The following RSF1 variants were observed in gnomAD, a reference collection of about 807,000 sequenced individuals.
RSF1 encodes the protein HBV pX-associated protein 8.
Under a neutral mutation model 145.2 loss-of-function variants are expected in RSF1, and 13 were observed. That is an observed-to-expected ratio of 0.09 (90% CI 0.06 to 0.14). The LOEUF is 0.14. RSF1 is among the 10% of genes least tolerant of loss of function. The pLI is 1.00. For synonymous variants in RSF1, 577 were observed against 592.6 expected, an observed-to-expected ratio of 0.97 and a Z score of 0.38; for missense variants, 1,517 against 1,718.2, an observed-to-expected ratio of 0.88 and a Z score of 2.07.
intron 1 of RSF1, among the ~76,000 whole-genome samples, chr11:77,810,598 T>C (rs1948721222): frequency 1.3e-5 from 2 of 152,176 alleles, no homozygotes; most frequent in South Asian, 4.1e-4. Flanking sequence ...TCTCCCTCTG[T>C]TGCCCAGATT....
chr11:77,775,833 A>C (rs1404369577), intron 1 of RSF1, among the ~76,000 whole-genome samples: 2 of 152,186 alleles, frequency 1.3e-5, no homozygotes, highest in Admixed American at 6.5e-5. Flanking sequence ...CAGTGGCACG[A>C]TCGGGGCTCA....
intron 5 of RSF1, among the ~76,000 whole-genome samples, chr11:77,709,559 C>T (rs1960631028): frequency 6.6e-6 from 1 of 152,138 alleles, no homozygotes; most frequent in African/African-American, 2.4e-5. Context: ...TGTCAACAGA[C>T]TTAACAGTTT....
intron 1 of RSF1, among the ~76,000 whole-genome samples, chr11:77,789,329 T>C (rs1413701905): frequency 1.3e-5 from 2 of 152,172 alleles, no homozygotes; most frequent in African/African-American, 4.8e-5. Flanking sequence ...GTTCCACAGA[T>C]TCCCTGAGAC....
At chr11:77,740,335 A>G (rs1590860948) in intron 4 of RSF1, among the ~76,000 whole-genome samples, 1 of 152,356 alleles carries the variant, frequency 6.6e-6, no homozygotes, top group African/African-American at 2.4e-5. Flanking sequence ...AGATTGCGCC[A>G]TTGCACTCCA....
intron 1 of RSF1, among the ~76,000 whole-genome samples, chr11:77,779,699 C>T (rs1344323265): frequency 6.6e-6 from 1 of 152,146 alleles, no homozygotes; most frequent in African/African-American, 2.4e-5. Flanking sequence ...ACACGGGCTG[C>T]TTAAATATAC....
At chr11:77,734,405 C>T in intron 4 of RSF1, 1 of 1,040,538 alleles carries the variant, frequency 9.6e-7, no homozygotes, top group Non-Finnish European at 1.5e-6. Flanking sequence ...GTAAAGGAAA[C>T]CCCAACATGC....
At chr11:77,759,567 C>A (rs1948150477) in intron 2 of RSF1, among the ~76,000 whole-genome samples, 1 of 151,994 alleles carries the variant, frequency 6.6e-6, no homozygotes, top group African/African-American at 2.4e-5. Flanking sequence ...GCCTGTAATC[C>A]CAACTACTCA....
At position 77,660,157 on chromosome 11, in the gene RSF1, T is replaced by C. The variant is rs1959218470; in HGVS notation, c.*6760A>G. 6.6e-6 allele frequency: 1 copy of C among 152,182 alleles called. No homozygotes were observed. The allele number at this position is 152,182 out of a possible 1,614,324, so 9.4% of individuals were successfully genotyped here. On this transcript the variant is annotated 3_prime_UTR_variant, in exon 16 of 16. Transcript: ENST00000308488. ...AGGCCTGGCTTATAACACCAAGAGT[T>C]CTGATCAGACTGTAGTGAGACACTG...
At chr11:77,676,257 T>G (rs1959698174) in intron 13 of RSF1, among the ~76,000 whole-genome samples, 1 of 152,006 alleles carries the variant, frequency 6.6e-6, no homozygotes. Flanking sequence ...CCCTGTATTT[T>G]AGTAGCAGTT....
At chr11:77,792,193 T>C (rs891983285) in intron 1 of RSF1, among the ~76,000 whole-genome samples, 3 of 152,124 alleles carry the variant, frequency 2.0e-5, no homozygotes, top group Non-Finnish European at 2.9e-5. Flanking sequence ...CTCCCCCTTA[T>C]AGTAACCATC....
chr11:77,753,359 T>C (rs1309585736), intron 2 of RSF1, among the ~76,000 whole-genome samples: 2 of 152,200 alleles, frequency 1.3e-5, no homozygotes, highest in Non-Finnish European at 2.9e-5. Flanking sequence ...TAATTATTCC[T>C]GGGCTTAAAC....
chr11:77,694,047 T>C (rs1202423863), intron 7 of RSF1, among the ~76,000 whole-genome samples: 1 of 152,102 alleles, frequency 6.6e-6, no homozygotes, highest in East Asian at 1.9e-4. Context: ...CCTCCCAAAG[T>C]GCTGGGATTA....
chr11:77,744,279 T>G (rs1040113634), intron 3 of RSF1, among the ~76,000 whole-genome samples: 1 of 152,188 alleles, frequency 6.6e-6, no homozygotes, highest in African/African-American at 2.4e-5. Flanking sequence ...TCCATCCGCC[T>G]CAGCCTCCCA....
At chr11:77,727,151 C>G (rs545237828) in intron 4 of RSF1, among the ~76,000 whole-genome samples, 7 of 152,136 alleles carry the variant, frequency 4.6e-5, no homozygotes, top group Non-Finnish European at 8.8e-5. Flanking sequence ...CTGGTCCTGC[C>G]TCCATTTTAC....
intron 1 of RSF1, among the ~76,000 whole-genome samples, chr11:77,781,298 C>T (rs1178315884): frequency 1.3e-5 from 2 of 152,126 alleles, no homozygotes; most frequent in Non-Finnish European, 2.9e-5. Context: ...GGGGTGTCAC[C>T]ATGTTGGCCA....
chr11:77,814,140 T>C (rs1948758978), intron 1 of RSF1, among the ~76,000 whole-genome samples: 2 of 150,668 alleles, frequency 1.3e-5, no homozygotes, highest in Non-Finnish European at 3.0e-5. Flanking sequence ...GCAGAGGTTG[T>C]AGTGAACCAG....
rs1345934605 is a variant in RSF1 at position 77,820,438 on chromosome 11, G to A, written c.187+90C>T. 2.4e-5 allele frequency: 32 copies of A among 1,353,580 alleles called. 1 individual carries two copies. Among genetic ancestry groups the A allele is most frequent in the Middle Eastern group, 2.6e-4 (1 of 3,884 alleles). 83.8% of individuals were successfully genotyped at this position (1,353,580 alleles called of 1,614,324 possible). ...GGGGAAGACAGAGCCGCGGAGGCCC[G>A]AGCCGCGAAGAACCGGGGCGCCTGT... On this transcript the variant is annotated intron_variant, in intron 1 of 15. Transcript: ENST00000308488.
upstream of RSF1, among the ~76,000 whole-genome samples, chr11:77,822,940 G>T (rs1590913354): frequency 6.6e-6 from 1 of 152,174 alleles, no homozygotes; most frequent in Non-Finnish European, 1.5e-5. Flanking sequence ...AATCCGCCGG[G>T]CGCTGTGGCT....
chr11:77,744,056 T>A (rs1364755953), intron 3 of RSF1, among the ~76,000 whole-genome samples: 2 of 152,110 alleles, frequency 1.3e-5, no homozygotes, highest in Non-Finnish European at 2.9e-5. Flanking sequence ...TGAGACAGAG[T>A]CTTGCTCTGT....
Sources: gnomAD v4.1 joint callset for allele counts (sites outside exome capture counted in the v4.1 genomes callset) on GRCh38, gnomAD v4.1.1 for gene constraint, MANE v1.5 for transcripts, NCBI Gene and HGNC (gene_info 2026-07-23, HGNC 2026-07-21) for gene names.